The following PPP1R12B variants were observed in gnomAD, a reference collection of about 807,000 sequenced individuals.
The protein encoded by PPP1R12B is myosin phosphatase target subunit 2.
In PPP1R12B, 76 loss-of-function variants were observed where a neutral mutation model predicts 126.1. The ratio of observed to expected loss-of-function variants is 0.60; its 90% confidence interval spans 0.50 to 0.73. The LOEUF is 0.73. PPP1R12B is among the 30% of genes least tolerant of loss of function. PPP1R12B has a pLI of 0.00. For synonymous variants in PPP1R12B, 356 were observed against 434.7 expected, an observed-to-expected ratio of 0.82 and a Z score of 2.25; for missense variants, 1,052 against 1,205.1, an observed-to-expected ratio of 0.87 and a Z score of 1.88.
intron 1 of PPP1R12B, among the ~76,000 whole-genome samples, chr1:202,398,761 ACT>A (rs1469714786): frequency 2.0e-5 from 3 of 151,992 alleles, no homozygotes; most frequent in Non-Finnish European, 1.5e-5. Flanking sequence ...TGCCCAAGTA[ACT>A]CTGTTTTAGT....
intron 18 of PPP1R12B, among the ~76,000 whole-genome samples, chr1:202,544,162 C>G (rs1308000747): frequency 3.1e-4 from 47 of 152,080 alleles, no homozygotes; most frequent in Admixed American, 3.1e-3. Context: ...TGGGTTCATA[C>G]AATTAGTAGT....
intron 18 of PPP1R12B, among the ~76,000 whole-genome samples, chr1:202,517,920 C>T (rs1004084123): frequency 4.6e-5 from 7 of 152,150 alleles, no homozygotes; most frequent in African/African-American, 7.2e-5. Flanking sequence ...GCCACTGCAC[C>T]CAGCCAAAGT....
At chr1:202,421,035 A>C (rs1336721500) in intron 2 of PPP1R12B, among the ~76,000 whole-genome samples, 1 of 137,820 alleles carries the variant, frequency 7.3e-6, no homozygotes, top group African/African-American at 2.8e-5. Flanking sequence ...GGCTCACTGC[A>C]ACCTCCGCCA....
At chr1:202,351,468 G>A (rs1571506742) in intron 1 of PPP1R12B, among the ~76,000 whole-genome samples, 3 of 151,940 alleles carry the variant, frequency 2.0e-5, no homozygotes, top group Non-Finnish European at 4.4e-5. Flanking sequence ...CAAACTCTTG[G>A]CCTCAAATGA....
chr1:202,416,981 A>G (rs552836093), intron 2 of PPP1R12B, 64 bp downstream of exon 2: 22 of 1,481,718 alleles, frequency 1.5e-5, no homozygotes, highest in Middle Eastern at 3.6e-4. Flanking sequence ...TTTCTCCTCT[A>G]TTCTTAGGAA....
intron 1 of PPP1R12B, among the ~76,000 whole-genome samples, chr1:202,413,666 T>C (rs1208342669): frequency 1.3e-5 from 2 of 152,212 alleles, no homozygotes; most frequent in Admixed American, 6.5e-5. Context: ...TATTAAGTCA[T>C]TTAAAGCAAC....
At chr1:202,459,725 T>C (rs915285068) in intron 13 of PPP1R12B, among the ~76,000 whole-genome samples, 5 of 152,204 alleles carry the variant, frequency 3.3e-5, no homozygotes, top group Admixed American at 2.6e-4. Flanking sequence ...TTCCTCCTCA[T>C]TGAATTTACT....
At position 202,348,886 on chromosome 1, in the gene PPP1R12B, C is replaced by T; in HGVS notation, c.35C>T (p.Ala12Val). ...CTGGAGCACCTAGGAGGGAAGCGGG[C>T]AGAGTCGGCGCGAATGCGGCGGGCA... ...AELEHLGGKR[A>V]ESARMRRAEQ... Residue 12 changes from alanine to valine, a missense_variant, in exon 1 of 24, where the codon GCA (alanine) becomes GTA (valine). By Grantham distance (64) the Ala-to-Val change is moderately conservative (BLOSUM62 0). Coordinates refer to ENST00000608999, the MANE Select transcript of PPP1R12B (RefSeq NM_002481.4). 6.2e-7 allele frequency: 1 copy of T among 1,610,676 alleles called. No homozygotes were observed. The highest frequency in any genetic ancestry group is 8.5e-7 in the Non-Finnish European group (1 of 1,179,272).
intron 23 of PPP1R12B, chr1:202,575,640 A>G (rs553736508): frequency 6.5e-6 from 1 of 152,808 alleles, no homozygotes; most frequent in Non-Finnish European, 1.5e-5. Flanking sequence ...TGCAAGAAAC[A>G]TCTAGGAGCT....
At chr1:202,384,138 A>G (rs1177859955) in intron 1 of PPP1R12B, among the ~76,000 whole-genome samples, 2 of 152,242 alleles carry the variant, frequency 1.3e-5, no homozygotes, top group Non-Finnish European at 2.9e-5. Context: ...TACACAGTCT[A>G]GCAGTTCTTC....
intron 1 of PPP1R12B, among the ~76,000 whole-genome samples, chr1:202,351,988 G>C (rs1364724332): frequency 6.6e-6 from 1 of 152,202 alleles, no homozygotes; most frequent in African/African-American, 2.4e-5. Context: ...TAATACTTGA[G>C]TTAGACTGGG....
chr1:202,542,066 G>A lies in PPP1R12B; in HGVS notation c.2491-16811G>A, dbSNP rs533583635. 2.6e-4 allele frequency among the ~76,000 whole-genome samples: 39 copies of A among 152,218 alleles called. No homozygotes were observed. The South Asian group carries it at 7.9e-3, about 31-fold the overall frequency. The stretch of plus-strand genomic sequence containing the variant: ...TATACCACTCATGTTCCATTATGTT[G>A]CTTATGTCTTTAATGTCAGAGAAAG... On this transcript the variant is annotated intron_variant, in intron 18 of 23. Coordinates refer to ENST00000608999, the MANE Select transcript of PPP1R12B (RefSeq NM_002481.4).
chr1:202,425,668 G>A lies in PPP1R12B; in HGVS notation c.644G>A (p.Arg215His), dbSNP rs368133673. 9.3e-6 allele frequency: 15 copies of A among 1,613,926 alleles called. No homozygotes were observed. The highest frequency in any genetic ancestry group is 1.3e-5 in the African/African-American group (1 of 75,024). The part of the protein sequence containing the change: ...SGKIEDVRQA[R>H]SGATALHVAA... ...AAAATAGAGGATGTGAGGCAGGCTC[G>A]CTCAGGGGCTACAGCCCTTCATGTG... is the stretch of plus-strand genomic sequence containing the variant. Residue 215 changes from arginine to histidine, a missense_variant, in exon 4 of 24, where the codon CGC becomes CAC. Transcript: ENST00000608999.
chr1:202,474,467 A>G (rs2148801428), intron 13 of PPP1R12B, among the ~76,000 whole-genome samples: 1 of 152,156 alleles, frequency 6.6e-6, no homozygotes, highest in Non-Finnish European at 1.5e-5. Flanking sequence ...TAGTAGAGAC[A>G]TGGTTTCACT....
intron 1 of PPP1R12B, among the ~76,000 whole-genome samples, chr1:202,400,847 A>G (rs953232612): frequency 2.0e-5 from 3 of 152,238 alleles, no homozygotes; most frequent in African/African-American, 7.2e-5. Context: ...ATTAAGTTCC[A>G]CAGCTGACAT....
chr1:202,589,792 G>C lies in PPP1R12B; in HGVS notation c.*9232G>C, dbSNP rs1444423856. The C allele has an allele frequency of 6.6e-6, 1 of 152,242 alleles. No homozygotes were observed. Among genetic ancestry groups the C allele is most frequent in the South Asian group, 2.1e-4 (1 of 4,830 alleles). The allele number at this position is 152,242 out of a possible 1,614,324, so 9.4% of individuals were successfully genotyped here. A position where few individuals can be genotyped will look rare whatever the true frequency, so the allele number is the denominator to read the frequency against. ...GCAGCAAGACAGGATAGATGTTAAA[G>C]GATCTGGGCTCATGCTCCCTCAGGT... On this transcript the variant is annotated 3_prime_UTR_variant, in exon 24 of 24. Transcript: ENST00000608999.
At chr1:202,535,055 A>ATGTGTGTGTGTATGTG (rs1553315339) in intron 18 of PPP1R12B, among the ~76,000 whole-genome samples, 2 of 146,164 alleles carry the variant, frequency 1.4e-5, no homozygotes, top group African/African-American at 5.0e-5. Context: ...GTGTGTGTGT[A>ATGTGTGTGTGTATGTG]TGTGTGTGTG....
At chr1:202,502,160 A>T in intron 18 of PPP1R12B, 1 of 985,214 alleles carries the variant, frequency 1.0e-6, no homozygotes, top group Non-Finnish European at 1.2e-6. Context: ...CCCCATCCAG[A>T]ATGCAATCAG....
At chr1:202,569,373 C>T (rs1018803474) in intron 23 of PPP1R12B, among the ~76,000 whole-genome samples, 176 bp downstream of exon 23, 2 of 152,176 alleles carry the variant, frequency 1.3e-5, no homozygotes, top group African/African-American at 4.8e-5. Flanking sequence ...GCTCTCTCAG[C>T]TCACACAACA....
Sources: gnomAD v4.1 joint callset for allele counts (sites outside exome capture counted in the v4.1 genomes callset) on GRCh38, gnomAD v4.1.1 for gene constraint, MANE v1.5 for transcripts, NCBI Gene and HGNC (gene_info 2026-07-23, HGNC 2026-07-21) for gene names.